SGCD: variants seen among roughly 807,000 people sequenced by gnomAD.
The protein encoded by SGCD is sarcoglycan delta, also known as delta-sarcoglycan.
A neutral mutation model predicts 36.6 loss-of-function variants in SGCD; 18 were observed. That is an observed-to-expected ratio of 0.49 (90% confidence interval 0.34 to 0.73). The LOEUF is 0.73. SGCD is among the 30% of genes least tolerant of loss of function. The probability of loss-of-function intolerance (pLI) is 0.01; values close to 1 mark genes in which losing one functional copy is unlikely to be tolerated. For synonymous variants in SGCD, 133 were observed against 130.6 expected, an observed-to-expected ratio of 1.02 and a Z score of -0.12; for missense variants, 387 against 346.7, an observed-to-expected ratio of 1.12 and a Z score of -0.92.
chr5:156,687,610 T>C (rs1055046895), intron 7 of SGCD, among the ~76,000 whole-genome samples: 1 of 152,208 alleles, frequency 6.6e-6, no homozygotes, highest in African/African-American at 2.4e-5. Flanking sequence ...GATAATGTAC[T>C]TGGTAAAACA....
intron 3 of SGCD, among the ~76,000 whole-genome samples, chr5:156,407,743 G>T (rs949007355): frequency 1.3e-5 from 2 of 152,176 alleles, no homozygotes; most frequent in Admixed American, 1.3e-4. Flanking sequence ...AAGGAGGAAG[G>T]GGAGTAAGTC....
intron 7 of SGCD, among the ~76,000 whole-genome samples, chr5:156,703,326 T>C (rs1250989724): frequency 1.3e-5 from 2 of 152,114 alleles, no homozygotes; most frequent in Non-Finnish European, 2.9e-5. Flanking sequence ...AGTGGGTGCT[T>C]CTGGAACATG....
At chr5:156,710,904 A>G (rs746411421) in intron 7 of SGCD, among the ~76,000 whole-genome samples, 61 of 152,152 alleles carry the variant, frequency 4.0e-4, no homozygotes, top group Non-Finnish European at 8.2e-4. Flanking sequence ...ATGTAAATTT[A>G]CTCCATAAGA....
At chr5:155,856,711 A>T in the SGCD span, among the ~76,000 whole-genome samples, 1 of 152,186 alleles carries the variant, frequency 6.6e-6, no homozygotes, top group African/African-American at 2.4e-5. Flanking sequence ...ACACTTCACC[A>T]AAAATATATA....
the SGCD span, among the ~76,000 whole-genome samples, chr5:155,795,834 T>A: frequency 6.6e-6 from 1 of 152,170 alleles, no homozygotes; most frequent in African/African-American, 2.4e-5. Flanking sequence ...AAAAGACAGC[T>A]GCTAGAGTTT....
intron 3 of SGCD, among the ~76,000 whole-genome samples, chr5:156,401,268 T>C (rs1164149856): frequency 6.6e-6 from 1 of 152,204 alleles, no homozygotes; most frequent in African/African-American, 2.4e-5. Flanking sequence ...AGTTCCCCAA[T>C]TGAGGCTGAT....
chr5:156,308,455 C>T (rs566982077), intron 3 of SGCD, among the ~76,000 whole-genome samples: 2 of 152,242 alleles, frequency 1.3e-5, no homozygotes, highest in South Asian at 2.1e-4. Flanking sequence ...TCTGCCACTA[C>T]GCCTGGCTAA....
At chr5:155,935,425 G>T (rs746421700) in intron 1 of SGCD, among the ~76,000 whole-genome samples, 5 of 152,126 alleles carry the variant, frequency 3.3e-5, no homozygotes, top group Non-Finnish European at 7.3e-5. Flanking sequence ...TCATTGTTGT[G>T]GGGGGAGATT....
intron 7 of SGCD, among the ~76,000 whole-genome samples, chr5:156,731,218 G>A (rs549015586): frequency 2.0e-5 from 3 of 152,228 alleles, no homozygotes; most frequent in African/African-American, 7.2e-5. Flanking sequence ...TATTTACTCT[G>A]TTGATAGTTT....
chr5:155,951,820 T>C (rs192498398), intron 1 of SGCD, among the ~76,000 whole-genome samples: 1 of 152,272 alleles, frequency 6.6e-6, no homozygotes, highest in Non-Finnish European at 1.5e-5. Context: ...GGATCCTTTC[T>C]ATAGAGGGAA....
At chr5:156,624,864 T>C (rs1374901840) in intron 6 of SGCD, among the ~76,000 whole-genome samples, 1 of 152,186 alleles carries the variant, frequency 6.6e-6, no homozygotes, top group African/African-American at 2.4e-5. Flanking sequence ...GCAAATAGGC[T>C]GATAAAGCAC....
chr5:156,585,584 G>C (rs1760458755), intron 4 of SGCD, among the ~76,000 whole-genome samples: 1 of 152,192 alleles, frequency 6.6e-6, no homozygotes, highest in South Asian at 2.1e-4. Flanking sequence ...AGTGTTGAGA[G>C]CCTTCCAGAA....
intron 3 of SGCD, among the ~76,000 whole-genome samples, chr5:156,184,314 A>G (rs921702826): frequency 3.3e-5 from 5 of 152,074 alleles, no homozygotes; most frequent in African/African-American, 1.2e-4. Flanking sequence ...CACAACTAAA[A>G]GAACTGAAAA....
At chr5:156,746,809 G>C (rs906043727) in intron 7 of SGCD, among the ~76,000 whole-genome samples, 2 of 152,068 alleles carry the variant, frequency 1.3e-5, no homozygotes, top group African/African-American at 4.8e-5. Context: ...GTAGTCAATG[G>C]TTTATTAGAC....
chr5:156,349,914 G>A (rs1022115606), intron 3 of SGCD, among the ~76,000 whole-genome samples: 1 of 151,960 alleles, frequency 6.6e-6, no homozygotes, highest in Non-Finnish European at 1.5e-5. Context: ...AAAAAAGAAT[G>A]AAATAATGGC....
intron 4 of SGCD, among the ~76,000 whole-genome samples, chr5:156,580,920 T>A (rs1760227528): frequency 6.6e-6 from 1 of 152,224 alleles, no homozygotes; most frequent in African/African-American, 2.4e-5. Context: ...TTAAAGTCAT[T>A]CTCCATCCCA....
intron 1 of SGCD, among the ~76,000 whole-genome samples, chr5:155,941,223 G>T (rs1757319735): frequency 6.6e-6 from 1 of 152,190 alleles, no homozygotes; most frequent in African/African-American, 2.4e-5. Context: ...ATTCATAAGG[G>T]CACAGCCCTC....
chr5:156,617,204 G>A (rs1762051941), intron 6 of SGCD, among the ~76,000 whole-genome samples: 2 of 152,294 alleles, frequency 1.3e-5, no homozygotes, highest in Admixed American at 6.5e-5. Flanking sequence ...GAAAGATTTT[G>A]AATACTGAAA....
chr5:155,730,193 T>G, the SGCD span, among the ~76,000 whole-genome samples: 1 of 152,070 alleles, frequency 6.6e-6, no homozygotes, highest in African/African-American at 2.4e-5. Flanking sequence ...TTTGAAAAAG[T>G]TTCACCTGAA....
Sources: allele counts gnomAD v4.1 joint callset (sites outside exome capture counted in the v4.1 genomes callset), GRCh38; gene constraint gnomAD v4.1.1; transcripts MANE v1.5; gene names NCBI Gene and HGNC (gene_info 2026-07-23, HGNC 2026-07-21).